Variants in TBC1D31 observed in about 807,000 individuals in gnomAD.
TBC1D31 encodes the protein TBC1 domain family member 31.
A neutral mutation model predicts 132.9 loss-of-function variants in TBC1D31; 99 were observed. That is an observed-to-expected ratio of 0.74 (90% CI 0.63 to 0.88). The LOEUF (loss-of-function observed/expected upper bound fraction) is 0.88, where lower values mean the gene tolerates loss of function less well. Among genes scored for constraint, TBC1D31 ranks in the 40% least tolerant of loss-of-function variants. TBC1D31 has a pLI of 0.00. For missense variants in TBC1D31, 1,134 were observed against 1,256.6 expected (o/e 0.90, Z 1.48); for synonymous variants, 385 against 419.4 (o/e 0.92, Z 1.00).
At chr8:123,080,605 G>A (rs557707312) in intron 2 of TBC1D31, among the ~76,000 whole-genome samples, 13 of 139,290 alleles carry the variant, frequency 9.3e-5, no homozygotes, top group East Asian at 2.1e-4. Context: ...TGGTGTGATC[G>A]GCTCACTGTG....
chr8:123,129,341 T>C (rs964596268), intron 15 of TBC1D31, 123 bp downstream of exon 15: 12 of 598,812 alleles, frequency 2.0e-5, no homozygotes, highest in Admixed American at 1.2e-4. Flanking sequence ...GTAGCATTTC[T>C]ATAAAGCAAC....
Position 123,093,751 on chromosome 8 carries a change from C to A in TBC1D31, c.671+9C>A. 1 of 1,508,000 alleles carries A rather than the reference C, an allele frequency of 6.6e-7. No individual in the cohort carries two copies. Among genetic ancestry groups the A allele is most frequent in the Non-Finnish European group, 9.0e-7 (1 of 1,115,178 alleles). 93.4% of individuals were successfully genotyped at this position (1,508,000 alleles called of 1,614,324 possible). A position where few individuals can be genotyped will look rare whatever the true frequency, so the allele number is the denominator to read the frequency against. ...GTGTTTGCTGTAACCAGGTAATGTG[C>A]ATTTTAAGACACTAGGAATATTTAA... is the stretch of plus-strand genomic sequence containing the variant. On this transcript the variant is annotated intron_variant, in intron 5 of 21. Transcript: ENST00000287380.
chr8:123,073,120 C>CG, intron 1 of TBC1D31: 1 of 546,356 alleles, frequency 1.8e-6, no homozygotes, highest in Non-Finnish European at 3.3e-6. Context: ...TGCTGTGTAC[C>CG]GGGACTCTCC....
chr8:123,095,478 T>C (rs1652540580), intron 5 of TBC1D31, among the ~76,000 whole-genome samples: 1 of 152,236 alleles, frequency 6.6e-6, no homozygotes, highest in South Asian at 2.1e-4. Context: ...CTTAAACTAG[T>C]TTTTGAAGTA....
At chr8:123,075,358 A>G (rs1184214710) in intron 1 of TBC1D31, among the ~76,000 whole-genome samples, 1 of 152,238 alleles carries the variant, frequency 6.6e-6, no homozygotes, top group African/African-American at 2.4e-5. Flanking sequence ...ACTTAATTCA[A>G]TTTAGTATAC....
At chr8:123,153,028 G>T (rs778879112), downstream of TBC1D31, among the ~76,000 whole-genome samples, 3 of 152,164 alleles carry the variant, frequency 2.0e-5, no homozygotes, top group African/African-American at 4.8e-5. Flanking sequence ...TGCCCAATAA[G>T]CAAAGTTCTA....
At chr8:123,120,323 T>C in intron 11 of TBC1D31, 135 bp downstream of exon 11, 1 of 701,222 alleles carries the variant, frequency 1.4e-6, no homozygotes, top group Admixed American at 3.5e-5. Context: ...AACAATAAGG[T>C]ATCAAACATA....
chr8:123,135,066 AT>A (rs747082087), intron 17 of TBC1D31, among the ~76,000 whole-genome samples: 5 of 152,008 alleles, frequency 3.3e-5, no homozygotes, highest in Non-Finnish European at 5.9e-5. Context: ...AGCCTATCTA[AT>A]TTTTGTGTTT....
At chr8:123,101,044 A>G in intron 7 of TBC1D31, 37 bp downstream of exon 7, 1 of 1,373,972 alleles carries the variant, frequency 7.3e-7, no homozygotes, top group Non-Finnish European at 1.0e-6. Flanking sequence ...AGCTTTTTAT[A>G]AACACTTATA....
At chr8:123,153,063 G>A (rs932576382), downstream of TBC1D31, among the ~76,000 whole-genome samples, 10 of 152,120 alleles carry the variant, frequency 6.6e-5, no homozygotes, top group Non-Finnish European at 1.0e-4. Context: ...CATTATACAC[G>A]GCATTGGTTT....
At chr8:123,093,766 G>T (rs373614534) in intron 5 of TBC1D31, 24 bp downstream of exon 5, 4 of 1,392,336 alleles carry the variant, frequency 2.9e-6, no homozygotes, top group Non-Finnish European at 3.8e-6. Context: ...TAAGACACTA[G>T]GAATATTTAA....
chr8:123,074,282 A>G (rs1221302400), intron 1 of TBC1D31, among the ~76,000 whole-genome samples: 1 of 148,466 alleles, frequency 6.7e-6, no homozygotes, highest in Non-Finnish European at 1.5e-5. Context: ...GGCCTCCCGA[A>G]GTACTGGGAT....
chr8:123,160,434 G>A, the TBC1D31 span, among the ~76,000 whole-genome samples: 4 of 152,042 alleles, frequency 2.6e-5, no homozygotes, highest in African/African-American at 7.2e-5. Flanking sequence ...GGGAGGGAGA[G>A]GAAGAAGGGA....
chr8:123,137,360 G>C (rs1455566881), intron 17 of TBC1D31, among the ~76,000 whole-genome samples: 3 of 152,190 alleles, frequency 2.0e-5, no homozygotes, highest in Non-Finnish European at 4.4e-5. Flanking sequence ...CTCAGGTTCA[G>C]TGATTCACTA....
At chr8:123,156,815 G>A (rs2131012341), downstream of TBC1D31, among the ~76,000 whole-genome samples, 1 of 152,232 alleles carries the variant, frequency 6.6e-6, no homozygotes, top group Middle Eastern at 3.4e-3. Context: ...CTCCCTCGCC[G>A]GCCCACACCG....
chr8:123,088,194 A>C (rs1217767940), intron 4 of TBC1D31, among the ~76,000 whole-genome samples: 1 of 152,110 alleles, frequency 6.6e-6, no homozygotes, highest in Non-Finnish European at 1.5e-5. Flanking sequence ...TGTCTCAAAA[A>C]AAAAAAAATA....
At chr8:123,158,471 C>A in the TBC1D31 span, among the ~76,000 whole-genome samples, 5 of 152,048 alleles carry the variant, frequency 3.3e-5, no homozygotes, top group Non-Finnish European at 7.4e-5. Flanking sequence ...CTGGGTGCCT[C>A]CCAGGGAAAG....
Position 123,100,809 on chromosome 8 carries a change from T to G in TBC1D31, c.834T>G (p.Val278=). ...PDSFDAGSNQ[V]LGVLSQDGIM... ...AATTTATATTTTTTCTCTCTTAGGT[T>G]CTTGGAGTACTAAGTCAAGATGGTA... Residue 278 remains valine (V), a splice_region_variant and synonymous_variant, in exon 7 of 22, where the codon GTT becomes GTG. Transcript: ENST00000287380. The G allele has an allele frequency of 6.2e-7, 1 of 1,611,140 alleles. No homozygotes were observed. Among genetic ancestry groups the G allele is most frequent in the Non-Finnish European group, 8.5e-7 (1 of 1,177,432 alleles).
At chr8:123,094,131 C>A (rs1014864440) in intron 5 of TBC1D31, among the ~76,000 whole-genome samples, 19 of 151,920 alleles carry the variant, frequency 1.3e-4, no homozygotes, top group African/African-American at 3.9e-4. Context: ...GTGGCATGAT[C>A]TCAGCTCACT....
Sources: allele counts gnomAD v4.1 joint callset (sites outside exome capture counted in the v4.1 genomes callset), GRCh38; gene constraint gnomAD v4.1.1; transcripts MANE v1.5; gene names NCBI Gene and HGNC (gene_info 2026-07-23, HGNC 2026-07-21).